MIER2: variants seen among roughly 807,000 people sequenced by gnomAD.
The protein encoded by MIER2 is MIER family member 2, also known as mesoderm induction early response protein 2.
MIER2 carries 30 observed loss-of-function variants against 67.6 expected under a neutral mutation model. The observed-to-expected ratio is 0.44, with a 90% CI of 0.33 to 0.60. The LOEUF (loss-of-function observed/expected upper bound fraction) is 0.60. Ranked by LOEUF, MIER2 falls within the 20% of genes least tolerant of loss-of-function variation. MIER2 has a pLI of 0.02. For missense variants in MIER2, 702 were observed against 745.1 expected, an observed-to-expected ratio of 0.94 and a Z score of 0.67; for synonymous variants, 372 against 312.6, an observed-to-expected ratio of 1.19 and a Z score of -2.00.
In MIER2 at chr19:306,632, G is replaced by A. The variant is rs910000090; in HGVS notation, c.*58C>T. 2.5e-5 allele frequency: 38 copies of A among 1,547,450 alleles called. No homozygotes were observed. The highest frequency in any genetic ancestry group is 1.2e-4 in the African/African-American group (9 of 72,996). On this transcript the variant is annotated 3_prime_UTR_variant, in exon 14 of 14. Transcript: ENST00000264819. ...AGGGGTCAGGAAGACTGACAGAGGC[G>A]GGCCCAGCGGCAGCGCTAAGTCCAG...
At chr19:340,116 C>CA (rs544515514) in intron 1 of MIER2, among the ~76,000 whole-genome samples, 35 of 152,220 alleles carry the variant, frequency 2.3e-4, no homozygotes, top group South Asian at 1.5e-3. Flanking sequence ...ATTCCCCTCA[C>CA]AAAAAAACAA....
In MIER2 at chr19:327,997, G is replaced by C; in HGVS notation, c.244-8C>G. 1 of 1,613,024 alleles carries C rather than the reference G, an allele frequency of 6.2e-7. No individual in the cohort carries two copies. Among genetic ancestry groups the C allele is most frequent in the Non-Finnish European group, 8.5e-7 (1 of 1,179,502 alleles). ...AAAGGGCATGTCGTTGCTCTGAGTT[G>C]GGGAAGGGAACAAGGCCCCATCAGG... On this transcript the variant is annotated splice_polypyrimidine_tract_variant and splice_region_variant and intron_variant, in intron 3 of 13. Transcript: ENST00000264819.
rs1972633271 is a variant in MIER2 at position 344,189 on chromosome 19, CCCACCCACCCT to C, written c.9+574_9+584del. On this transcript the variant is annotated intron_variant, in intron 1 of 13. Transcript: ENST00000264819. Reference sequence around the variant, plus strand: ...CCGACGCTCTCTAGGCCCCGGCAGACCCACCCACCCTGCGCCCAGTTCGCGCCAGGCGGGTC... The same window carrying C: ...CCGACGCTCTCTAGGCCCCGGCAGACGCGCCCAGTTCGCGCCAGGCGGGTC... 1.1e-5 allele frequency: 11 copies of C among 985,318 alleles called. No homozygotes were observed. The South Asian group carries it at 5.2e-4, about 46-fold the overall frequency. The allele number at this position is 985,318 out of a possible 1,614,324, so 61.0% of individuals were successfully genotyped here. A position where few individuals can be genotyped will look rare whatever the true frequency, so the allele number is the denominator to read the frequency against.
intron 1 of MIER2, chr19:344,563 CG>C: frequency 4.6e-6 from 1 of 217,040 alleles, no homozygotes; most frequent in Non-Finnish European, 6.1e-6. Context: ...ATGTGGCAGC[CG>C]GGGGAGTTGG....
Position 311,738 on chromosome 19 carries a change from A to ACACGGAGGCC in MIER2, c.984+106_984+107insGGCCTCCGTG, listed in dbSNP as rs1384111604. 2.9e-6 allele frequency: 3 copies of ACACGGAGGCC among 1,050,956 alleles called. No individual in the cohort carries two copies. In the Admixed American group the frequency reaches 6.3e-5, roughly 22 times the overall value. The allele number at this position is 1,050,956 out of a possible 1,614,324, so 65.1% of individuals were successfully genotyped here. A position where few individuals can be genotyped will look rare whatever the true frequency, so the allele number is the denominator to read the frequency against. On this transcript the variant is annotated intron_variant, in intron 10 of 13. Transcript: ENST00000264819. ...CACACGGTGAGGAGGCGGACACAGG[A>ACACGGAGGCC]CACGGGGCTCCAGGCCTCCAGTCGG...
In MIER2 at chr19:324,478, C is replaced by G. The variant is rs1420146992; in HGVS notation, c.655+1157G>C. Among the ~76,000 whole-genome samples the G allele has an allele frequency of 2.9e-5, 4 of 138,346 alleles. 1 individual carries two copies. Among genetic ancestry groups the G allele is most frequent in the Non-Finnish European group, 6.1e-5 (4 of 65,410 alleles). The allele number at this position is 138,346 out of a possible 152,430, so 90.8% of individuals were successfully genotyped here. ...ACAGACGTCATCACAATGCAATACACAAGACACACACAACCACGCAGATGA... is the reference window on the plus strand; with the variant it reads ...ACAGACGTCATCACAATGCAATACAGAAGACACACACAACCACGCAGATGA... On this transcript the variant is annotated intron_variant, in intron 7 of 13. Transcript: ENST00000264819.
intron 7 of MIER2, among the ~76,000 whole-genome samples, chr19:319,294 G>A (rs947539944): frequency 6.6e-5 from 10 of 151,992 alleles, no homozygotes; most frequent in Non-Finnish European, 1.5e-4. Flanking sequence ...CCTTGGAGGC[G>A]AAGTTTCCAG....
chr19:326,573 T>C lies in MIER2; in HGVS notation c.519A>G (p.Arg173=), dbSNP rs1472448680. The part of the protein sequence containing the change: ...SGSRFLADED[R]EPGSSASSDT... The stretch of plus-strand genomic sequence containing the variant: ...CGGAGGAGGCAGAAGAGCCAGGCTC[T>C]CTGTCTTCATCAGCCAGGAAACGAG... The change falls in exon 6 of 14, where the codon AGA becomes AGG. Residue 173 remains arginine (R), a synonymous_variant. Transcript: ENST00000264819. 17 of 1,613,980 alleles carry C rather than the reference T, an allele frequency of 1.1e-5. No individual in the cohort carries two copies. Among genetic ancestry groups the C allele is most frequent in the Non-Finnish European group, 1.4e-5 (17 of 1,179,962 alleles).
In MIER2 at chr19:306,419, C is replaced by G; in HGVS notation, c.*271G>C. On this transcript the variant is annotated 3_prime_UTR_variant, in exon 14 of 14. Transcript: ENST00000264819. ...GGGGTCTCTTCTGTCCCCGGCTGCC[C>G]GACGGATCCCACGTGCAGGCAGCGG... 1.7e-6 allele frequency: 1 copy of G among 586,926 alleles called. No homozygotes were observed. The highest frequency in any genetic ancestry group is 2.8e-5 in the East Asian group (1 of 35,400). 36.4% of individuals were successfully genotyped at this position (586,926 alleles called of 1,614,324 possible).
In MIER2 at chr19:307,606, ACTTTG is replaced by A. The variant is rs776441028; in HGVS notation, c.1199-75_1199-71del. 7.1e-6 allele frequency: 10 copies of A among 1,417,180 alleles called. No individual in the cohort carries two copies. In the East Asian group the frequency reaches 1.7e-4, roughly 25 times the overall value. The allele number at this position is 1,417,180 out of a possible 1,614,324, so 87.8% of individuals were successfully genotyped here. The stretch of plus-strand genomic sequence containing the variant: ...CGGATCCTGTGCAGGCTCCTGCCTA[ACTTTG>A]CTGGGTCCAGCAAAGCCTGTGGATC... On this transcript the variant is annotated intron_variant, in intron 12 of 13. Coordinates refer to ENST00000264819, the MANE Select transcript of MIER2 (RefSeq NM_017550.3).
chr19:320,035 A>C (rs2145423194), intron 7 of MIER2, among the ~76,000 whole-genome samples: 1 of 152,288 alleles, frequency 6.6e-6, no homozygotes, highest in Admixed American at 6.5e-5. Context: ...CAGCATTTTC[A>C]TCAAGCAATC....
chr19:343,810 AT>A lies in MIER2; in HGVS notation c.9+963del, dbSNP rs1972613496. The A allele has an allele frequency of 6.1e-6, 6 of 982,400 alleles. No homozygotes were observed. The South Asian group carries it at 2.8e-4, about 46-fold the overall frequency. 60.9% of individuals were successfully genotyped at this position (982,400 alleles called of 1,614,324 possible). A position where few individuals can be genotyped will look rare whatever the true frequency, so the allele number is the denominator to read the frequency against. ...TCGCAGCCGCCGCACCTTCACCTACATTATCTCTTTCCATCTTCACCAGGGC... is the reference window on the plus strand; with the variant it reads ...TCGCAGCCGCCGCACCTTCACCTACATATCTCTTTCCATCTTCACCAGGGC... On this transcript the variant is annotated intron_variant, in intron 1 of 13. Transcript: ENST00000264819.
chr19:321,931 G>GTCT (rs1292629044), intron 7 of MIER2, among the ~76,000 whole-genome samples: 1 of 151,988 alleles, frequency 6.6e-6, no homozygotes, highest in African/African-American at 2.4e-5. Flanking sequence ...TTGAGACAGA[G>GTCT]TCTCGCTCTG....
At chr19:315,921 T>C (rs554831459) in intron 7 of MIER2, among the ~76,000 whole-genome samples, 1 of 151,664 alleles carries the variant, frequency 6.6e-6, no homozygotes, top group African/African-American at 2.4e-5. Flanking sequence ...AACAAACAAA[T>C]AAAGGAAAGG....
chr19:333,663 A>G (rs1203284891), intron 3 of MIER2, among the ~76,000 whole-genome samples: 2 of 82,628 alleles, frequency 2.4e-5, no homozygotes, highest in Non-Finnish European at 4.6e-5. Context: ...ATAGACGTGC[A>G]CCACCACGCC....
chr19:343,789 A>G, intron 1 of MIER2: 1 of 968,480 alleles, frequency 1.0e-6, no homozygotes, highest in African/African-American at 1.8e-5. Context: ...AGCACCTCGC[A>G]GCCGCCGCAC....
chr19:320,730 G>A (rs1051328554), intron 7 of MIER2, among the ~76,000 whole-genome samples: 40 of 152,178 alleles, frequency 2.6e-4, no homozygotes, highest in Non-Finnish European at 7.3e-5. Flanking sequence ...CTGAAACCAC[G>A]CCCCCTACTC....
In MIER2 at chr19:306,573, A is replaced by G; in HGVS notation, c.*117T>C. 4.5e-6 allele frequency: 6 copies of G among 1,347,092 alleles called. No homozygotes were observed. The highest frequency in any genetic ancestry group is 6.2e-6 in the Non-Finnish European group (6 of 968,208). The allele number at this position is 1,347,092 out of a possible 1,614,324, so 83.4% of individuals were successfully genotyped here. A position where few individuals can be genotyped will look rare whatever the true frequency, so the allele number is the denominator to read the frequency against. On this transcript the variant is annotated 3_prime_UTR_variant, in exon 14 of 14. Transcript: ENST00000264819. ...CAGTCCTGACGTGTTCTGAAGCAGA[A>G]GGAGGTGCTACCCCAAGGCCCGGGG...
intron 7 of MIER2, among the ~76,000 whole-genome samples, chr19:316,608 T>A (rs897275181): frequency 6.6e-6 from 1 of 152,136 alleles, no homozygotes; most frequent in Admixed American, 6.5e-5. Context: ...AAATTAACGA[T>A]AGCACAAAAG....
Sources: allele counts gnomAD v4.1 joint callset (sites outside exome capture counted in the v4.1 genomes callset), GRCh38; gene constraint gnomAD v4.1.1; transcripts MANE v1.5; gene names NCBI Gene and HGNC (gene_info 2026-07-23, HGNC 2026-07-21).